NEURL1: variants seen among roughly 807,000 people sequenced by gnomAD.
NEURL1 encodes E3 ubiquitin-protein ligase NEURL1.
NEURL1 carries 26 observed loss-of-function variants against 41.2 expected under a neutral mutation model. That is an observed-to-expected ratio of 0.63 (90% CI 0.46 to 0.87). The LOEUF is 0.87. NEURL1 is among the 40% of genes least tolerant of loss of function. The pLI, the probability that NEURL1 is intolerant of heterozygous loss-of-function variation, is 0.00. For missense variants in NEURL1, 761 were observed against 871.1 expected, an observed-to-expected ratio of 0.87 and a Z score of 1.59; for synonymous variants, 400 against 402.3, an observed-to-expected ratio of 0.99 and a Z score of 0.07.
At chr10:103,515,383 T>C (rs752164892) in intron 1 of NEURL1, 1 of 152,234 alleles carries the variant, frequency 6.6e-6, no homozygotes, top group Non-Finnish European at 1.5e-5. Context: ...CGTAGGAGGC[T>C]GTAACTGACC....
At chr10:103,511,694 G>C (rs1366137507) in intron 1 of NEURL1, 1 of 152,288 alleles carries the variant, frequency 6.6e-6, no homozygotes, top group Non-Finnish European at 1.5e-5. Flanking sequence ...CTGACCACCG[G>C]GTGGGTTAGA....
At chr10:103,581,208 G>C (rs1404030504) in intron 3 of NEURL1, among the ~76,000 whole-genome samples, 1 of 152,140 alleles carries the variant, frequency 6.6e-6, no homozygotes. Flanking sequence ...TGGGAGGAAG[G>C]TTGCTTACCC....
rs2036070974 is a variant in NEURL1, at chr10:103,592,376, G to C, written c.*2004G>C. 2 of 152,638 alleles carry C rather than the reference G, an allele frequency of 1.3e-5. No individual in the cohort carries two copies. The highest frequency in any genetic ancestry group is 2.1e-4 in the South Asian group (1 of 4,828). 9.5% of individuals were successfully genotyped at this position (152,638 alleles called of 1,614,324 possible). On this transcript the variant is annotated 3_prime_UTR_variant, in exon 6 of 6. Coordinates refer to ENST00000369780, the MANE Select transcript of NEURL1 (RefSeq NM_004210.5). This position sits in a 1 kb window ranked among gnomAD's most constrained non-coding sequence, Gnocchi z 4.8. ...TCACTGACCCTGGGAGACCCCTTCT[G>C]TGTGGGAGGGAGCGGGGGCTGGCTA...
At chr10:103,559,937 C>A (rs558496756) in intron 1 of NEURL1, among the ~76,000 whole-genome samples, 1 of 152,100 alleles carries the variant, frequency 6.6e-6, no homozygotes, top group East Asian at 1.9e-4. Flanking sequence ...ATATTACACA[C>A]ATGCACACAC....
intron 1 of NEURL1, among the ~76,000 whole-genome samples, chr10:103,539,534 C>T (rs1178647412): frequency 6.6e-6 from 1 of 152,136 alleles, no homozygotes; most frequent in Non-Finnish European, 1.5e-5. Context: ...AGTTTAGGGA[C>T]AACACGGCTT....
chr10:103,501,289 G>A (rs2033816721), intron 1 of NEURL1, among the ~76,000 whole-genome samples: 1 of 152,192 alleles, frequency 6.6e-6, no homozygotes, highest in Non-Finnish European at 1.5e-5. Context: ...GTGGTGGAAG[G>A]CAGGCTGGGG....
chr10:103,538,943 G>GT lies in NEURL1; in HGVS notation c.86-31914dup, dbSNP rs59036052. Among the ~76,000 whole-genome samples, 1,284 of 129,122 alleles carry GT rather than the reference G, an allele frequency of 9.9e-3. 7 individuals are homozygous for GT. Among genetic ancestry groups the GT allele is most frequent in the African/African-American group, 0.021 (739 of 35,588 alleles). The allele number at this position is 129,122 out of a possible 152,430, so 84.7% of individuals were successfully genotyped here. A position where few individuals can be genotyped will look rare whatever the true frequency, so the allele number is the denominator to read the frequency against. ...ATTACAGGCATGAGCCACCGCACCC[G>GT]TTTTTTTTTTTTTTTCTTTTTCAGA... On this transcript the variant is annotated intron_variant, in intron 1 of 5. Transcript: ENST00000369780.
At chr10:103,560,962 G>T (rs904400359) in intron 1 of NEURL1, among the ~76,000 whole-genome samples, 1 of 152,220 alleles carries the variant, frequency 6.6e-6, no homozygotes, top group African/African-American at 2.4e-5. Context: ...CCCAGTTTCT[G>T]TGGCTCAGGA....
chr10:103,589,400 C>T, intron 4 of NEURL1, 114 bp from the exon 5 acceptor site: 1 of 1,193,624 alleles, frequency 8.4e-7, no homozygotes. Flanking sequence ...CCGCTCTTGG[C>T]CCTGTGGCTG....
chr10:103,555,459 A>C, intron 1 of NEURL1: 2 of 1,331,882 alleles, frequency 1.5e-6, no homozygotes, highest in Non-Finnish European at 2.0e-6. Context: ...CCAGCCCGAG[A>C]CCGCCTGGGG....
chr10:103,495,680 T>G lies in NEURL1; in HGVS notation c.85+1208T>G, dbSNP rs573886663. Among the ~76,000 whole-genome samples, 3 of 152,350 alleles carry G rather than the reference T, an allele frequency of 2.0e-5. No homozygotes were observed. In the South Asian group the frequency reaches 6.2e-4, roughly 32 times the overall value. ...TAAGACCAGGGAAGAGGAGGAGAGA[T>G]AGGACCACTGTCCTGCATTCTAATA... On this transcript the variant is annotated intron_variant, in intron 1 of 5. Coordinates refer to ENST00000369780, the MANE Select transcript of NEURL1 (RefSeq NM_004210.5).
At chr10:103,523,582 C>T (rs2034400634) in intron 1 of NEURL1, among the ~76,000 whole-genome samples, 1 of 152,154 alleles carries the variant, frequency 6.6e-6, no homozygotes, top group East Asian at 1.9e-4. Context: ...ATCTGTAAAC[C>T]AACCTTTGGT....
chr10:103,587,923 A>C (rs982124508), intron 4 of NEURL1, among the ~76,000 whole-genome samples: 2 of 152,252 alleles, frequency 1.3e-5, no homozygotes, highest in African/African-American at 4.8e-5. Flanking sequence ...CTACAGATAA[A>C]AAAGATCTCA....
chr10:103,514,513 T>C (rs3014183), intron 1 of NEURL1, among the ~76,000 whole-genome samples: 38,729 of 152,014 alleles, frequency 0.25, 6,539 homozygotes, highest in African/African-American at 0.47. Context: ...CCTGGGCTTC[T>C]CTTCACTCTA....
intron 1 of NEURL1, among the ~76,000 whole-genome samples, chr10:103,499,293 T>C (rs752595851): frequency 1.3e-5 from 2 of 152,180 alleles, no homozygotes; most frequent in African/African-American, 2.4e-5. Context: ...AGAGTGTCTG[T>C]AGACCCTGAA....
In NEURL1 at chr10:103,589,552, C is replaced by T; in HGVS notation, c.1378C>T (p.Pro460Ser). 6.2e-7 allele frequency: 1 copy of T among 1,613,710 alleles called. No homozygotes were observed. The highest frequency in any genetic ancestry group is 8.5e-7 in the Non-Finnish European group (1 of 1,179,816). ...GGCCGAGCGGGGTATCCCATCACTC[C>T]CCTGCTCCCCTGCCTCCACGCCAAC... ...ILAERGIPSL[P>S]CSPASTPTSP... is the part of the protein sequence containing the mutation. Residue 460 changes from proline to serine, a missense_variant, in exon 5 of 6, where the codon CCC (proline) becomes TCC (serine). Pro to Ser is a moderately conservative substitution (Grantham distance 74). Around this residue, in one of 5 missense-constraint regions of NEURL1, gnomAD observed 443 missense variants for 408.1 expected, o/e 1.09. Transcript: ENST00000369780.
At chr10:103,499,095 T>C (rs1181683996) in intron 1 of NEURL1, among the ~76,000 whole-genome samples, 1 of 152,226 alleles carries the variant, frequency 6.6e-6, no homozygotes, top group Non-Finnish European at 1.5e-5. Context: ...GCTTCTTGAA[T>C]TGGATACTTC....
chr10:103,578,289 C>T (rs995688953), intron 3 of NEURL1, among the ~76,000 whole-genome samples: 32 of 152,190 alleles, frequency 2.1e-4, no homozygotes, highest in African/African-American at 6.8e-4. Flanking sequence ...TTAAAGACAC[C>T]GCCCTCCACG....
At chr10:103,494,716 G>C in intron 1 of NEURL1, 1 of 525,496 alleles carries the variant, frequency 1.9e-6, no homozygotes. Context: ...AGTCCCCTCA[G>C]GCCATGGTCT....
Sources: allele counts gnomAD v4.1 joint callset (sites outside exome capture counted in the v4.1 genomes callset), GRCh38; gene constraint gnomAD v4.1.1; regional missense constraint gnomAD v4.1.1; non-coding constraint Gnocchi (gnomAD v3.1); transcripts MANE v1.5; gene names NCBI Gene and HGNC (gene_info 2026-07-23, HGNC 2026-07-21).